The following ASPH variants were observed in gnomAD, a reference collection of about 807,000 sequenced individuals.
ASPH encodes the protein aspartyl/asparaginyl beta-hydroxylase.
Under a neutral mutation model 118.4 loss-of-function variants are expected in ASPH, and 100 were observed. That is an observed-to-expected ratio of 0.84 (90% CI 0.72 to 1.00). ASPH has a LOEUF of 1.00. Ranked by LOEUF, ASPH falls within the 50% of genes least tolerant of loss-of-function variation. The pLI is 0.00. For missense variants in ASPH, 920 were observed against 919.5 expected, an observed-to-expected ratio of 1.00 and a Z score of -0.01; for synonymous variants, 315 against 325.6, an observed-to-expected ratio of 0.97 and a Z score of 0.35.
chr8:61,581,526 T>G (rs983225127), intron 15 of ASPH, among the ~76,000 whole-genome samples: 1 of 152,176 alleles, frequency 6.6e-6, no homozygotes, highest in African/African-American at 2.4e-5. Flanking sequence ...AGTGGGGAAG[T>G]AGGAAGTTTT....
At chr8:61,700,227 A>G (rs370277111) in intron 1 of ASPH, among the ~76,000 whole-genome samples, 53 of 152,268 alleles carry the variant, frequency 3.5e-4, no homozygotes, top group African/African-American at 7.9e-4. Context: ...GTGAATAACC[A>G]TGCCAGTCAA....
intron 1 of ASPH, among the ~76,000 whole-genome samples, chr8:61,705,275 A>C (rs1210451299): frequency 1.3e-5 from 2 of 151,588 alleles, no homozygotes; most frequent in Admixed American, 6.5e-5. Context: ...GGTGCAGATC[A>C]AAAAAGCTAC....
chr8:61,554,513 T>C (rs545275148), intron 19 of ASPH, among the ~76,000 whole-genome samples: 1 of 152,208 alleles, frequency 6.6e-6, no homozygotes, highest in Non-Finnish European at 1.5e-5. Context: ...ATTAGCTATG[T>C]CCAATATGGT....
intron 8 of ASPH, 104 bp from the exon 9 acceptor site, chr8:61,643,537 G>C: frequency 8.7e-7 from 1 of 1,150,170 alleles, no homozygotes; most frequent in Middle Eastern, 2.0e-4. Context: ...AACTTTGCCA[G>C]ATAGATGTTT....
In ASPH at chr8:61,517,477, AACTCTCAT is replaced by A. The variant is rs780739438; in HGVS notation, c.2126+43_2126+50del. On this transcript the variant is annotated intron_variant, in intron 24 of 24. Transcript: ENST00000379454. ...AAAGGAACACAACTGTGTTGTAACA[AACTCTCAT>A]CCTCTGAGGTGACGGATATGACGGA... 3 of 1,594,688 alleles carry A rather than the reference AACTCTCAT, an allele frequency of 1.9e-6. No homozygotes were observed. In the African/African-American group the frequency reaches 4.0e-5, roughly 21 times the overall value.
At chr8:61,662,311 TA>T (rs1165039393) in intron 3 of ASPH, among the ~76,000 whole-genome samples, 6 of 152,302 alleles carry the variant, frequency 3.9e-5, no homozygotes, top group South Asian at 2.1e-4. Flanking sequence ...AAAATGTTGT[TA>T]GGGGTATGGC....
chr8:61,666,138 T>C (rs1249946101), intron 3 of ASPH, among the ~76,000 whole-genome samples: 1 of 152,200 alleles, frequency 6.6e-6, no homozygotes, highest in African/African-American at 2.4e-5. Context: ...GTCATGTGTA[T>C]GACATTTTTA....
chr8:61,611,799 C>T (rs1304047507), intron 14 of ASPH, among the ~76,000 whole-genome samples: 2 of 152,130 alleles, frequency 1.3e-5, no homozygotes, highest in Non-Finnish European at 2.9e-5. Flanking sequence ...TTAAACACAG[C>T]AATTAAAAGC....
intron 3 of ASPH, among the ~76,000 whole-genome samples, chr8:61,669,868 G>A (rs575646658): frequency 6.6e-6 from 1 of 152,228 alleles, no homozygotes; most frequent in Admixed American, 6.5e-5. Flanking sequence ...CTTTTGTCAT[G>A]AATAAACCAA....
chr8:61,625,057 A>G, intron 13 of ASPH: 5 of 985,798 alleles, frequency 5.1e-6, no homozygotes, highest in Non-Finnish European at 6.0e-6. Flanking sequence ...ACCTTATCTT[A>G]ATGTTAACAA....
At chr8:61,614,094 C>A (rs750361219) in intron 14 of ASPH, among the ~76,000 whole-genome samples, 2 of 151,874 alleles carry the variant, frequency 1.3e-5, no homozygotes, top group East Asian at 1.9e-4. Context: ...TGTTTTCTAG[C>A]GCCATCTGGT....
At chr8:61,569,960 C>T (rs954210980) in intron 16 of ASPH, among the ~76,000 whole-genome samples, 1 of 150,674 alleles carries the variant, frequency 6.6e-6, no homozygotes, top group Non-Finnish European at 1.5e-5. Flanking sequence ...GTTAACTCCC[C>T]AGAATATGAA....
intron 5 of ASPH, among the ~76,000 whole-genome samples, chr8:61,650,819 A>C (rs1233439970): frequency 2.0e-5 from 3 of 152,024 alleles, no homozygotes; most frequent in Non-Finnish European, 4.4e-5. Context: ...ATTTATTCCC[A>C]CCAGTTCTCT....
At chr8:61,525,206 C>T (rs1379130044) in intron 22 of ASPH, among the ~76,000 whole-genome samples, 4 of 152,140 alleles carry the variant, frequency 2.6e-5, no homozygotes, top group African/African-American at 4.8e-5. Context: ...ATATGCAGCA[C>T]GTGCTGTTTA....
At chr8:61,644,119 T>C in intron 7 of ASPH, 118 bp from the exon 8 acceptor site, 2 of 794,362 alleles carry the variant, frequency 2.5e-6, no homozygotes, top group Non-Finnish European at 4.1e-6. Context: ...GTCATAATGA[T>C]ATTCAAACAT....
At position 61,525,354 on chromosome 8, in the gene ASPH, A is replaced by ATG. The variant is rs1554606141; in HGVS notation, c.1900+622_1900+623insCA. ...ATCAATTCACTGAAAACACACACAC[A>ATG]CGCACACACACACACATACACACAC... On this transcript the variant is annotated intron_variant, in intron 22 of 24. Coordinates refer to ENST00000379454, the MANE Select transcript of ASPH (RefSeq NM_004318.4). Among the ~76,000 whole-genome samples the ATG allele has an allele frequency of 1.2e-4, 16 of 132,898 alleles. 1 individual carries two copies. The highest frequency in any genetic ancestry group is 4.9e-4 in the South Asian group (2 of 4,122). 87.2% of individuals were successfully genotyped at this position (132,898 alleles called of 152,430 possible).
intron 3 of ASPH, chr8:61,676,115 T>C (rs1589060977): frequency 1.9e-6 from 3 of 1,599,476 alleles, no homozygotes; most frequent in African/African-American, 1.3e-5. Flanking sequence ...AGTCTTTCCC[T>C]GAACCCCTTC....
In ASPH at chr8:61,517,522, C is replaced by T. The variant is rs186523360; in HGVS notation, c.2126+6G>A. 6.2e-7 allele frequency: 1 copy of T among 1,613,640 alleles called. No homozygotes were observed. The highest frequency in any genetic ancestry group is 2.2e-5 in the East Asian group (1 of 44,850). On this transcript the variant is annotated splice_donor_region_variant and intron_variant, in intron 24 of 24. Transcript: ENST00000379454. ...ACGGATATGACGGATAACAGAGGAC[C>T]CATACTTGGTCTCGTTGGCACATCG...
Position 61,639,705 on chromosome 8 carries a change from T to C in ASPH, c.791-1342A>G, listed in dbSNP as rs147172908. Among the ~76,000 whole-genome samples, 1,074 of 152,302 alleles carry C rather than the reference T, an allele frequency of 7.1e-3. 15 individuals carry two copies. The highest frequency in any genetic ancestry group is 0.024 in the African/African-American group (1,012 of 41,564). On this transcript the variant is annotated intron_variant, in intron 10 of 24. Transcript: ENST00000379454. ...GGTTCCCACACTCACAATCACGAAG[T>C]AGACTTCTCTTCTGAGAGTCAAACA... is the stretch of plus-strand genomic sequence containing the variant.
Sources: gnomAD v4.1 joint callset for allele counts (sites outside exome capture counted in the v4.1 genomes callset) on GRCh38, gnomAD v4.1.1 for gene constraint, MANE v1.5 for transcripts, NCBI Gene and HGNC (gene_info 2026-07-23, HGNC 2026-07-21) for gene names.